The following ANKRD30BL variants were observed in gnomAD, a reference collection of about 807,000 sequenced individuals.
ANKRD30BL encodes the protein ankyrin repeat domain 30B like, also known as putative ankyrin repeat domain-containing protein 30B-like.
ANKRD30BL carries 20 observed loss-of-function variants against 18.4 expected under a neutral mutation model. The ratio of observed to expected loss-of-function variants is 1.09; its 90% confidence interval spans 0.77 to 1.58. ANKRD30BL has a LOEUF of 1.58. ANKRD30BL is among the 40% of genes most tolerant of loss of function. ANKRD30BL has a pLI of 0.00. For synonymous variants in ANKRD30BL, 72 were observed against 100.9 expected (o/e 0.71, Z 1.72); for missense variants, 224 against 268.6 (o/e 0.83, Z 1.16).
chr2:132,255,487 C>T lies in ANKRD30BL; in HGVS notation n.441+2042G>A, dbSNP rs1012188602. ...CAAGAAGCAGGGACGGGCTGTGGCT[C>T]GCTAGCCCACCCGCTCCCAAGATTC... On this transcript the variant is annotated intron_variant and non_coding_transcript_variant, in intron 1 of 4. Coordinates refer to the ANKRD30BL transcript ENST00000470729. Among the ~76,000 whole-genome samples the T allele has an allele frequency of 7.3e-5, 11 of 150,500 alleles. 1 individual carries two copies. Among genetic ancestry groups the T allele is most frequent in the Non-Finnish European group, 1.0e-4 (7 of 67,594 alleles).
intron 1 of ANKRD30BL, among the ~76,000 whole-genome samples, chr2:132,241,186 C>G (rs370289819): frequency 6.6e-6 from 1 of 151,876 alleles, no homozygotes; most frequent in East Asian, 1.9e-4. Flanking sequence ...CCCATAAAAA[C>G]TAGACAGAAG....
intron 4 of ANKRD30BL, among the ~76,000 whole-genome samples, chr2:132,151,877 G>T (rs946070325): frequency 1.3e-5 from 2 of 152,080 alleles, no homozygotes; most frequent in Non-Finnish European, 2.9e-5. Flanking sequence ...TCAGCATCTG[G>T]CTTGGACTAC....
Position 132,199,202 on chromosome 2 carries a change from T to TA in ANKRD30BL, n.442-42057dup, listed in dbSNP as rs890469263. 1.2e-3 allele frequency among the ~76,000 whole-genome samples: 175 copies of TA among 151,722 alleles called. 1 individual carries two copies. The highest frequency in any genetic ancestry group is 4.1e-3 in the African/African-American group (170 of 41,394). On this transcript the variant is annotated intron_variant and non_coding_transcript_variant, in intron 1 of 4. Transcript: ENST00000470729. ...CCATCTCTACTCAAAAAATAAAATT[T>TA]AAAAAAAATTAGCTTGGCTTGGTGG...
chr2:132,251,553 T>C (rs893849587), intron 1 of ANKRD30BL, among the ~76,000 whole-genome samples: 4 of 152,212 alleles, frequency 2.6e-5, no homozygotes, highest in African/African-American at 9.6e-5. Flanking sequence ...TAAATGTAAT[T>C]ATACAACATC....
intron 1 of ANKRD30BL, among the ~76,000 whole-genome samples, chr2:132,204,024 C>A (rs1679160869): frequency 6.6e-6 from 1 of 152,116 alleles, no homozygotes; most frequent in Non-Finnish European, 1.5e-5. Flanking sequence ...TGGTTGTATA[C>A]AGTAAGAATT....
intron 1 of ANKRD30BL, among the ~76,000 whole-genome samples, chr2:132,168,580 G>T (rs955819356): frequency 6.6e-6 from 1 of 152,138 alleles, no homozygotes; most frequent in African/African-American, 2.4e-5. Context: ...TTAGGGATTA[G>T]AAGGTAGGAA....
chr2:132,224,794 C>T (rs1440598743), intron 1 of ANKRD30BL, among the ~76,000 whole-genome samples: 4 of 151,936 alleles, frequency 2.6e-5, no homozygotes, highest in Non-Finnish European at 5.9e-5. Flanking sequence ...TTGAGGCATT[C>T]GATGGAAATG....
intron 1 of ANKRD30BL, among the ~76,000 whole-genome samples, chr2:132,212,658 A>G (rs1211302860): frequency 2.0e-5 from 3 of 151,984 alleles, no homozygotes; most frequent in Non-Finnish European, 4.4e-5. Context: ...ACTAGACAGA[A>G]TAATTCTGAG....
At chr2:132,222,858 A>AAAAAAAAAAAAAAAAAAAAAT (rs1679731762) in intron 1 of ANKRD30BL, among the ~76,000 whole-genome samples, 1 of 147,954 alleles carries the variant, frequency 6.8e-6, no homozygotes. Context: ...AAAAAAAAAA[A>AAAAAAAAAAAAAAAAAAAAAT]AAAAAAGAAA....
At chr2:132,153,235 T>C (rs1424563600) in intron 4 of ANKRD30BL, among the ~76,000 whole-genome samples, 2 of 152,188 alleles carry the variant, frequency 1.3e-5, no homozygotes, top group African/African-American at 4.8e-5. Context: ...AATTCAAGAA[T>C]AAAGGTATGG....
chr2:132,257,311 G>T (rs1680884508), intron 1 of ANKRD30BL, among the ~76,000 whole-genome samples: 2 of 152,236 alleles, frequency 1.3e-5, no homozygotes. Context: ...GCAGGGGAGC[G>T]GGCAGAGAGC....
At chr2:132,215,084 C>A (rs531253945) in intron 1 of ANKRD30BL, among the ~76,000 whole-genome samples, 1 of 151,812 alleles carries the variant, frequency 6.6e-6, no homozygotes, top group African/African-American at 2.4e-5. Flanking sequence ...GAGAGTTGAA[C>A]CTTTGTTTTC....
At chr2:132,193,775 T>C (rs1355509544) in intron 1 of ANKRD30BL, among the ~76,000 whole-genome samples, 1 of 150,696 alleles carries the variant, frequency 6.6e-6, no homozygotes, top group Non-Finnish European at 1.5e-5. Flanking sequence ...AAACAAGAGG[T>C]AGAAACAGGA....
intron 1 of ANKRD30BL, among the ~76,000 whole-genome samples, chr2:132,191,509 T>C (rs1175275581): frequency 6.6e-6 from 1 of 152,132 alleles, no homozygotes; most frequent in African/African-American, 2.4e-5. Flanking sequence ...AATATGATAA[T>C]TCAGGGTGTT....
chr2:132,220,721 C>T (rs1436641016), intron 1 of ANKRD30BL, among the ~76,000 whole-genome samples: 1 of 152,088 alleles, frequency 6.6e-6, no homozygotes, highest in South Asian at 2.1e-4. Context: ...CTACAACCTC[C>T]ACCTCCCAGC....
rs540500493 is a variant in ANKRD30BL, at chr2:132,247,200, G to A, written n.441+10329C>T. ...TCTAAGAAACTTCTTTGTGATGTCT[G>A]CATTCAACTCACAGAGTTGAACATT... On this transcript the variant is annotated intron_variant and non_coding_transcript_variant, in intron 1 of 4. Coordinates refer to the ANKRD30BL transcript ENST00000470729. Among the ~76,000 whole-genome samples the A allele has an allele frequency of 9.0e-3, 1,362 of 151,630 alleles. 19 individuals are homozygous for A. Among genetic ancestry groups the A allele is most frequent in the African/African-American group, 0.031 (1,264 of 41,370 alleles).
At chr2:132,252,203 C>G (rs75678520) in intron 1 of ANKRD30BL, among the ~76,000 whole-genome samples, 2 of 152,192 alleles carry the variant, frequency 1.3e-5, no homozygotes, top group African/African-American at 2.4e-5. Flanking sequence ...TTGATGTTAA[C>G]GATGCTACTG....
rs1482259368 is a variant in ANKRD30BL, at chr2:132,220,705, G to A, written n.441+36824C>T. 1.4e-4 allele frequency among the ~76,000 whole-genome samples: 21 copies of A among 152,158 alleles called. 1 individual carries two copies. Among genetic ancestry groups the A allele is most frequent in the African/African-American group, 2.9e-4 (12 of 41,526 alleles). On this transcript the variant is annotated intron_variant and non_coding_transcript_variant, in intron 1 of 4. Transcript: ENST00000470729. Reference sequence around the variant, plus strand: ...GGCTGGAGTGCAGTGGCGTGATCTCGGCTCGCTACAACCTCCACCTCCCAG... The same window carrying A: ...GGCTGGAGTGCAGTGGCGTGATCTCAGCTCGCTACAACCTCCACCTCCCAG...
At chr2:132,158,766 C>T (rs1273134170) in intron 1 of ANKRD30BL, among the ~76,000 whole-genome samples, 1 of 149,876 alleles carries the variant, frequency 6.7e-6, no homozygotes, top group Non-Finnish European at 1.5e-5. Context: ...ACTAATTAAT[C>T]TATAATTATT....
Sources: gnomAD v4.1 joint callset for allele counts (sites outside exome capture counted in the v4.1 genomes callset) on GRCh38, gnomAD v4.1.1 for gene constraint, MANE v1.5 for transcripts, NCBI Gene and HGNC (gene_info 2026-07-23, HGNC 2026-07-21) for gene names.